Variants in CSMD1 observed in about 807,000 individuals in gnomAD.
CSMD1 encodes the protein CUB and Sushi multiple domains 1.
Under a neutral mutation model 417.5 loss-of-function variants are expected in CSMD1, and 213 were observed. The observed-to-expected ratio is 0.51, with a 90% CI of 0.46 to 0.57. The LOEUF (loss-of-function observed/expected upper bound fraction) is 0.57, where lower values mean the gene tolerates loss of function less well. CSMD1 is among the 20% of genes least tolerant of loss of function. CSMD1 has a pLI of 0.00. For missense variants in CSMD1, 6,923 were observed against 4,529.7 expected, an observed-to-expected ratio of 1.53 and a Z score of -15.17; for synonymous variants, 2,862 against 1,736.8, an observed-to-expected ratio of 1.65 and a Z score of -16.11.
At chr8:3,853,656 C>A (rs973560008) in intron 5 of CSMD1, among the ~76,000 whole-genome samples, 2 of 151,832 alleles carry the variant, frequency 1.3e-5, no homozygotes, top group African/African-American at 4.8e-5. Context: ...TCCGAAGGAC[C>A]ATCTTCCCTA....
chr8:3,521,981 T>G (rs1407009659), intron 10 of CSMD1, among the ~76,000 whole-genome samples: 1 of 152,232 alleles, frequency 6.6e-6, no homozygotes, highest in African/African-American at 2.4e-5. Flanking sequence ...AACTTTCATT[T>G]CCACACAGTG....
In CSMD1 at chr8:3,253,016, C is replaced by A. The variant is rs138623927; in HGVS notation, c.4154-22785G>T. The stretch of plus-strand genomic sequence containing the variant: ...TGTTGATCTTTTCAAAAAACCAGCT[C>A]CTGGATTCATTGATTTTTTGAAGGG... On this transcript the variant is annotated intron_variant, in intron 26 of 69. Transcript: ENST00000635120. Among the ~76,000 whole-genome samples the A allele has an allele frequency of 3.2e-3, 481 of 152,106 alleles. 7 individuals are homozygous for A. Among genetic ancestry groups the A allele is most frequent in the African/African-American group, 0.011 (463 of 41,514 alleles).
chr8:4,340,216 C>T (rs6558865), intron 3 of CSMD1, among the ~76,000 whole-genome samples: 87,738 of 151,802 alleles, frequency 0.58, 28,003 homozygotes, highest in African/African-American at 0.87. Context: ...CCAAGAAGAG[C>T]TTGCTATGCC....
chr8:4,585,990 T>G (rs1314173494), intron 2 of CSMD1, among the ~76,000 whole-genome samples: 1 of 152,228 alleles, frequency 6.6e-6, no homozygotes, highest in Non-Finnish European at 1.5e-5. Flanking sequence ...TAATTCAAAC[T>G]TTTAATGACT....
At chr8:3,225,781 G>A (rs1049888155) in intron 27 of CSMD1, among the ~76,000 whole-genome samples, 1 of 151,572 alleles carries the variant, frequency 6.6e-6, no homozygotes, top group Non-Finnish European at 1.5e-5. Context: ...AGTGCTGCCT[G>A]GCCCTGTTTG....
At chr8:4,032,234 G>T in intron 3 of CSMD1, 135 bp from the exon 4 acceptor site, 2 of 617,142 alleles carry the variant, frequency 3.2e-6, no homozygotes, top group Non-Finnish European at 5.4e-6. Context: ...ATTAATTGTT[G>T]CTAAAAAATA....
rs565372450 is a variant in CSMD1 at position 3,632,562 on chromosome 8, T to A, written c.1010-15765A>T. 2.0e-5 allele frequency among the ~76,000 whole-genome samples: 3 copies of A among 152,302 alleles called. No homozygotes were observed. The East Asian group carries it at 5.8e-4, about 29-fold the overall frequency. On this transcript the variant is annotated intron_variant, in intron 7 of 69. Coordinates refer to ENST00000635120, the MANE Select transcript of CSMD1 (RefSeq NM_033225.6). ...CAAGTGGGATGTCTGGCTTCTTTTTTAAAAAATTGCATAAAGATGATGATT... is the reference window on the plus strand; with the variant it reads ...CAAGTGGGATGTCTGGCTTCTTTTTAAAAAAATTGCATAAAGATGATGATT...
intron 3 of CSMD1, among the ~76,000 whole-genome samples, chr8:4,231,339 A>G (rs890033365): frequency 6.6e-6 from 1 of 152,188 alleles, no homozygotes; most frequent in Non-Finnish European, 1.5e-5. Context: ...TATGACTTCA[A>G]TAAATCACCT....
At chr8:3,706,655 C>A (rs1801185544) in intron 7 of CSMD1, among the ~76,000 whole-genome samples, 1 of 152,046 alleles carries the variant, frequency 6.6e-6, no homozygotes, top group Admixed American at 6.5e-5. Context: ...AATCTGATGC[C>A]CAAATGATCG....
chr8:4,855,248 T>A (rs10481376), intron 1 of CSMD1, among the ~76,000 whole-genome samples: 4 of 141,082 alleles, frequency 2.8e-5, no homozygotes, highest in African/African-American at 1.0e-4. Context: ...GATATCCACA[T>A]CAAAAACCCA....
chr8:4,010,920 C>T (rs1431531143), intron 4 of CSMD1, among the ~76,000 whole-genome samples: 2 of 152,138 alleles, frequency 1.3e-5, no homozygotes, highest in African/African-American at 4.8e-5. Flanking sequence ...ACATATATGG[C>T]CATAATCCTA....
intron 51 of CSMD1, among the ~76,000 whole-genome samples, chr8:3,021,968 T>A (rs1432476050): frequency 9.0e-5 from 13 of 145,220 alleles, no homozygotes; most frequent in Non-Finnish European, 1.9e-4. Flanking sequence ...GCATCTGGAA[T>A]GCACCTGCAA....
chr8:3,492,834 T>C (rs773534833), intron 11 of CSMD1, among the ~76,000 whole-genome samples: 1 of 151,694 alleles, frequency 6.6e-6, no homozygotes, highest in African/African-American at 2.4e-5. Context: ...CCCAACACTT[T>C]TCCCCCCCAT....
At chr8:4,056,506 C>A (rs1366684932) in intron 3 of CSMD1, among the ~76,000 whole-genome samples, 1 of 151,234 alleles carries the variant, frequency 6.6e-6, no homozygotes, top group Non-Finnish European at 1.5e-5. Flanking sequence ...AAATATTGGG[C>A]TACTAAGGAA....
intron 3 of CSMD1, among the ~76,000 whole-genome samples, chr8:4,152,203 G>A (rs946230762): frequency 6.6e-6 from 1 of 152,092 alleles, no homozygotes; most frequent in East Asian, 1.9e-4. Flanking sequence ...CTTTGGAGAA[G>A]AAGGAACACC....
rs544665244 is a variant in CSMD1, at chr8:3,369,046, A to G, written c.2899+208T>C. Among the ~76,000 whole-genome samples the G allele has an allele frequency of 3.3e-5, 5 of 152,372 alleles. No homozygotes were observed. In the East Asian group the frequency reaches 5.8e-4, roughly 18 times the overall value. On this transcript the variant is annotated intron_variant, in intron 19 of 69. Transcript: ENST00000635120. ...CGTATATTCAGGTTATCTGATAAAC[A>G]GAGAGCAAAACGGGGAATGGTTTTT...
intron 10 of CSMD1, among the ~76,000 whole-genome samples, chr8:3,545,904 G>A (rs1312209372): frequency 6.6e-6 from 1 of 152,202 alleles, no homozygotes; most frequent in Non-Finnish European, 1.5e-5. Context: ...TAAAATTATA[G>A]TGAATGCATA....
At chr8:4,205,342 G>A (rs970214534) in intron 3 of CSMD1, among the ~76,000 whole-genome samples, 1 of 152,174 alleles carries the variant, frequency 6.6e-6, no homozygotes, top group African/African-American at 2.4e-5. Context: ...AGTATTTAAT[G>A]ATTGAGATAA....
intron 3 of CSMD1, among the ~76,000 whole-genome samples, chr8:4,076,393 G>A (rs1234112505): frequency 6.6e-6 from 1 of 152,130 alleles, no homozygotes; most frequent in East Asian, 1.9e-4. Context: ...GTTCTTTATA[G>A]CAGCGTAAGA....
Sources: allele counts gnomAD v4.1 joint callset (sites outside exome capture counted in the v4.1 genomes callset), GRCh38; gene constraint gnomAD v4.1.1; transcripts MANE v1.5; gene names NCBI Gene and HGNC (gene_info 2026-07-23, HGNC 2026-07-21).